Variants in RTN1 observed in about 807,000 individuals in gnomAD.
The protein encoded by RTN1 is reticulon-1.
A neutral mutation model predicts 65.5 loss-of-function variants in RTN1; 25 were observed. The observed-to-expected ratio is 0.38, with a 90% CI of 0.28 to 0.53. The LOEUF is 0.53. RTN1 is among the 20% of genes least tolerant of loss of function. RTN1 has a pLI of 0.79. For missense variants in RTN1, 983 were observed against 1,025.4 expected, an observed-to-expected ratio of 0.96 and a Z score of 0.57; for synonymous variants, 471 against 447.6, an observed-to-expected ratio of 1.05 and a Z score of -0.66.
chr14:59,700,627 C>A (rs1415630143), intron 3 of RTN1, among the ~76,000 whole-genome samples: 2 of 152,042 alleles, frequency 1.3e-5, no homozygotes, highest in Non-Finnish European at 1.5e-5. Context: ...GGGAAAAGAA[C>A]AGCCTTTTTA....
At chr14:59,806,792 G>A (rs1401325889) in intron 1 of RTN1, among the ~76,000 whole-genome samples, 1 of 152,202 alleles carries the variant, frequency 6.6e-6, no homozygotes, top group East Asian at 1.9e-4. Flanking sequence ...CAAAGGACAG[G>A]ATCTCATTCT....
Position 59,870,308 on chromosome 14 carries a change from C to G in RTN1, c.241+82G>C. ...CAAGGCAGAAAGCGCGAGGCAGGTG[C>G]CCAGGAGAGCCGCGCAGAAGGGGAC... On this transcript the variant is annotated intron_variant, in intron 1 of 8. Coordinates refer to ENST00000267484, the MANE Select transcript of RTN1 (RefSeq NM_021136.3). This position sits in a 1 kb window ranked among gnomAD's most constrained non-coding sequence, Gnocchi z 5.1. The G allele has an allele frequency of 7.6e-7, 1 of 1,323,262 alleles. No individual in the cohort carries two copies. The allele number at this position is 1,323,262 out of a possible 1,614,324, so 82.0% of individuals were successfully genotyped here.
intron 1 of RTN1, among the ~76,000 whole-genome samples, chr14:59,764,129 C>T (rs1014419538): frequency 1.3e-5 from 2 of 152,018 alleles, no homozygotes; most frequent in African/African-American, 2.4e-5. Flanking sequence ...CTTATGGAGC[C>T]ATTGTAACTC....
At chr14:59,817,394 T>C (rs1407627526) in intron 1 of RTN1, among the ~76,000 whole-genome samples, 1 of 152,116 alleles carries the variant, frequency 6.6e-6, no homozygotes, top group Non-Finnish European at 1.5e-5. Flanking sequence ...ATCAGCTTCT[T>C]CAAAAGTCAT....
chr14:59,721,798 C>G (rs1884653068), intron 3 of RTN1, among the ~76,000 whole-genome samples: 1 of 152,202 alleles, frequency 6.6e-6, no homozygotes, highest in African/African-American at 2.4e-5. Flanking sequence ...TACTGCAAGA[C>G]TTCTACTGAA....
rs1473005907 is a variant in RTN1 at position 59,803,359 on chromosome 14, C to T, written c.242-56878G>A. The stretch of plus-strand genomic sequence containing the variant: ...CCACACGCTTAAGTAAGTTTTCATC[C>T]TTCAGGAGGGGAACTAGTATCTCGG... On this transcript the variant is annotated intron_variant, in intron 1 of 8. Transcript: ENST00000267484. This position sits in a 1 kb window ranked among gnomAD's most constrained non-coding sequence, Gnocchi z 5.6. Among the ~76,000 whole-genome samples, 1 of 152,100 alleles carries T rather than the reference C, an allele frequency of 6.6e-6. No homozygotes were observed. The highest frequency in any genetic ancestry group is 1.5e-5 in the Non-Finnish European group (1 of 68,010).
chr14:59,622,773 T>G (rs1882291709), intron 3 of RTN1, among the ~76,000 whole-genome samples: 1 of 152,204 alleles, frequency 6.6e-6, no homozygotes, highest in African/African-American at 2.4e-5. Context: ...TTTACCAAGA[T>G]AGTATCCCAC....
In RTN1 at chr14:59,868,368, T is replaced by C. The variant is rs567271555; in HGVS notation, c.241+2022A>G. Among the ~76,000 whole-genome samples, 7 of 152,346 alleles carry C rather than the reference T, an allele frequency of 4.6e-5. No homozygotes were observed. In the East Asian group the frequency reaches 7.7e-4, roughly 17 times the overall value. Reference sequence around the variant, plus strand: ...ATTCTTCTCCCATCCAAACGTAGTATCATGTTTGATTTTATTACTATATTT... The same window carrying C: ...ATTCTTCTCCCATCCAAACGTAGTACCATGTTTGATTTTATTACTATATTT... On this transcript the variant is annotated intron_variant, in intron 1 of 8. Coordinates refer to ENST00000267484, the MANE Select transcript of RTN1 (RefSeq NM_021136.3). The surrounding 1 kb of genome is among the most constrained non-coding windows in gnomAD (Gnocchi z 4.0).
At chr14:59,674,474 GA>G in intron 3 of RTN1, among the ~76,000 whole-genome samples, 1 of 152,350 alleles carries the variant, frequency 6.6e-6, no homozygotes, top group Middle Eastern at 3.4e-3. Flanking sequence ...TTCTAGTACA[GA>G]TTAAGAAGCA....
At chr14:59,735,800 C>T (rs1015223440) in intron 2 of RTN1, among the ~76,000 whole-genome samples, 2 of 152,120 alleles carry the variant, frequency 1.3e-5, no homozygotes, top group African/African-American at 2.4e-5. Flanking sequence ...GAGACTTTAA[C>T]ACTCCACTGA....
intron 3 of RTN1, among the ~76,000 whole-genome samples, chr14:59,662,000 C>T (rs1410693234): frequency 6.6e-6 from 1 of 152,162 alleles, no homozygotes; most frequent in Non-Finnish European, 1.5e-5. Flanking sequence ...ATTTAGAAAA[C>T]CCCACTGTCT....
intron 2 of RTN1, among the ~76,000 whole-genome samples, chr14:59,736,860 C>T (rs1273239783): frequency 7.3e-6 from 1 of 137,332 alleles, no homozygotes; most frequent in Non-Finnish European, 1.6e-5. Flanking sequence ...TTTGGTTCAA[C>T]ATATGCAAAT....
At chr14:59,736,340 G>T (rs1310909731) in intron 2 of RTN1, among the ~76,000 whole-genome samples, 1 of 152,026 alleles carries the variant, frequency 6.6e-6, no homozygotes, top group Non-Finnish European at 1.5e-5. Context: ...TGATAAGGGA[G>T]ATATCACCAC....
At chr14:59,615,437 G>A (rs1260104821) in intron 3 of RTN1, among the ~76,000 whole-genome samples, 1 of 151,966 alleles carries the variant, frequency 6.6e-6, no homozygotes, top group African/African-American at 2.4e-5. Context: ...CAACAAGAGT[G>A]AAACTCCATC....
chr14:59,720,179 G>T (rs1395187886), intron 3 of RTN1, among the ~76,000 whole-genome samples: 1 of 151,926 alleles, frequency 6.6e-6, no homozygotes. Flanking sequence ...ATAAGTGCTG[G>T]AGCCACCAAG....
intron 1 of RTN1, among the ~76,000 whole-genome samples, chr14:59,781,158 C>T (rs1461287011): frequency 6.6e-6 from 1 of 152,020 alleles, no homozygotes; most frequent in Non-Finnish European, 1.5e-5. Context: ...CAAAAGTGGG[C>T]CTAGGATCCA....
At chr14:59,659,713 C>T (rs1344298761) in intron 3 of RTN1, among the ~76,000 whole-genome samples, 1 of 152,186 alleles carries the variant, frequency 6.6e-6, no homozygotes, top group Non-Finnish European at 1.5e-5. Context: ...CACCACCAGG[C>T]CTGCCTGACA....
At chr14:59,756,304 G>A (rs1267601829) in intron 1 of RTN1, among the ~76,000 whole-genome samples, 1 of 152,160 alleles carries the variant, frequency 6.6e-6, no homozygotes, top group East Asian at 1.9e-4. Context: ...GGGAAATGGT[G>A]GAGGTGAATA....
intron 1 of RTN1, among the ~76,000 whole-genome samples, chr14:59,858,194 C>T (rs1329232442): frequency 6.6e-6 from 1 of 152,170 alleles, no homozygotes; most frequent in Non-Finnish European, 1.5e-5. Flanking sequence ...ACGTCTCCTA[C>T]AAAATGCCAA....
Sources: gnomAD v4.1 joint callset for allele counts (sites outside exome capture counted in the v4.1 genomes callset) on GRCh38, gnomAD v4.1.1 for gene constraint, Gnocchi (gnomAD v3.1) non-coding constraint, MANE v1.5 for transcripts, NCBI Gene and HGNC (gene_info 2026-07-23, HGNC 2026-07-21) for gene names.